The following FAM135B variants were observed in gnomAD, a reference collection of about 807,000 sequenced individuals.
FAM135B encodes the protein family with sequence similarity 135 member B, also known as protein FAM135B.
FAM135B carries 43 observed loss-of-function variants against 127.7 expected under a neutral mutation model. That is an observed-to-expected ratio of 0.34 (90% confidence interval 0.26 to 0.43). The LOEUF is 0.43. FAM135B is among the 20% of genes least tolerant of loss of function. The probability of loss-of-function intolerance (pLI) is 1.00; values close to 1 mark genes in which losing one functional copy is unlikely to be tolerated. For synonymous variants in FAM135B, 670 were observed against 665.1 expected (o/e 1.01, Z -0.11); for missense variants, 1,558 against 1,725.6 (o/e 0.90, Z 1.72).
intron 12 of FAM135B, among the ~76,000 whole-genome samples, chr8:138,160,993 A>G (rs1819335021): frequency 6.6e-6 from 1 of 152,204 alleles, no homozygotes. Context: ...TTGGACAACT[A>G]TGGAACTTAG....
chr8:138,169,773 G>A (rs1006602771), intron 11 of FAM135B, among the ~76,000 whole-genome samples: 3 of 152,088 alleles, frequency 2.0e-5, no homozygotes, highest in African/African-American at 2.4e-5. Context: ...ATTTTAGGTC[G>A]AACAAGCCAA....
At chr8:138,142,201 G>A (rs1024941867) in intron 16 of FAM135B, among the ~76,000 whole-genome samples, 7 of 150,580 alleles carry the variant, frequency 4.6e-5, no homozygotes, top group Admixed American at 1.3e-4. Context: ...TAGCACTGTC[G>A]TCACTGAAAC....
At chr8:138,137,377 C>A (rs1816755574) in intron 18 of FAM135B, 117 bp from the exon 19 acceptor site, 1 of 687,076 alleles carries the variant, frequency 1.5e-6, no homozygotes, top group African/African-American at 1.8e-5. Context: ...GTTGACACAC[C>A]ACACACTAGT....
intron 13 of FAM135B, among the ~76,000 whole-genome samples, chr8:138,149,162 AAATTTT>A (rs1817912757): frequency 8.8e-6 from 1 of 114,020 alleles, no homozygotes. Context: ...TAAATAAATA[AAATTTT>A]AAAAAGAGAA....
intron 11 of FAM135B, among the ~76,000 whole-genome samples, chr8:138,174,840 C>A (rs1016749908): frequency 1.3e-5 from 2 of 150,344 alleles, no homozygotes; most frequent in Non-Finnish European, 2.9e-5. Flanking sequence ...TTCCCCATAG[C>A]ACTCCTTACC....
intron 1 of FAM135B, among the ~76,000 whole-genome samples, chr8:138,382,138 C>T (rs563537516): frequency 2.0e-5 from 3 of 152,296 alleles, no homozygotes; most frequent in African/African-American, 4.8e-5. Context: ...TGACCACCCA[C>T]AAGATGTGCA....
chr8:138,493,307 G>C (rs1341844065), intron 1 of FAM135B, among the ~76,000 whole-genome samples: 1 of 151,938 alleles, frequency 6.6e-6, no homozygotes, highest in Non-Finnish European at 1.5e-5. Flanking sequence ...CTCCCTCCTG[G>C]TGTCTCCCAT....
At position 138,175,268 on chromosome 8, in the gene FAM135B, C is replaced by T. The variant is rs115757214; in HGVS notation, c.1103+2079G>A. Among the ~76,000 whole-genome samples, 507 of 149,938 alleles carry T rather than the reference C, an allele frequency of 3.4e-3. 2 individuals carry two copies. The highest frequency in any genetic ancestry group is 0.011 in the African/African-American group (447 of 41,118). On this transcript the variant is annotated intron_variant, in intron 11 of 19. Coordinates refer to ENST00000395297, the MANE Select transcript of FAM135B (RefSeq NM_015912.4). ...CTGGTCCCTACTGCCCTCTGGCCCTCCCTCCCTCCCCTCTCCTACTTTCTC... is the reference window on the plus strand; with the variant it reads ...CTGGTCCCTACTGCCCTCTGGCCCTTCCTCCCTCCCCTCTCCTACTTTCTC...
chr8:138,238,466 G>C (rs182738480), intron 7 of FAM135B, among the ~76,000 whole-genome samples: 2 of 152,242 alleles, frequency 1.3e-5, no homozygotes, highest in East Asian at 3.9e-4. Context: ...GGAATGTCTA[G>C]ATGTCAAAGG....
intron 1 of FAM135B, among the ~76,000 whole-genome samples, chr8:138,479,384 G>A (rs1814676140): frequency 6.6e-6 from 1 of 152,174 alleles, no homozygotes; most frequent in Admixed American, 6.5e-5. Flanking sequence ...TCACATGGTT[G>A]ATCCCCCTGG....
intron 3 of FAM135B, among the ~76,000 whole-genome samples, chr8:138,278,553 A>ATTTTTTTT (rs557719866): frequency 3.3e-5 from 2 of 60,472 alleles, no homozygotes; most frequent in African/African-American, 1.3e-4. Context: ...TAAGAACATG[A>ATTTTTTTT]TTTTTTTTTT....
chr8:138,333,005 A>T (rs1219211633), intron 2 of FAM135B, among the ~76,000 whole-genome samples: 1 of 151,160 alleles, frequency 6.6e-6, no homozygotes, highest in Non-Finnish European at 1.5e-5. Flanking sequence ...ACACACACAC[A>T]CACGCTTGTA....
In FAM135B at chr8:138,442,236, CCATATATATA is replaced by C. The variant is rs1207674812; in HGVS notation, c.-20+54425_-20+54434del. On this transcript the variant is annotated intron_variant, in intron 1 of 19. Transcript: ENST00000395297. ...AAATTTAACGTGAAGAATATGGACA[CCATATATATA>C]TATATATATATATATATATATATAT... Among the ~76,000 whole-genome samples, 40 of 13,136 alleles carry C rather than the reference CCATATATATA, an allele frequency of 3.0e-3. 4 individuals carry two copies. Among genetic ancestry groups the C allele is most frequent in the Middle Eastern group, 0.038 (1 of 26 alleles). 8.6% of individuals were successfully genotyped at this position (13,136 alleles called of 152,430 possible). A position where few individuals can be genotyped will look rare whatever the true frequency, so the allele number is the denominator to read the frequency against.
In FAM135B at chr8:138,218,801, AGAGG is replaced by A. The variant is rs1170396638; in HGVS notation, c.670-21136_670-21133del. ...GAGAGAGAGAGAGAGAGAGAGAGAG[AGAGG>A]GAGAGAAAGAGAGAGAGAGAGATTT... On this transcript the variant is annotated intron_variant, in intron 7 of 19. Transcript: ENST00000395297. Among the ~76,000 whole-genome samples, 39 of 21,082 alleles carry A rather than the reference AGAGG, an allele frequency of 1.8e-3. No individual in the cohort carries two copies. The East Asian group carries it at 0.022, about 12-fold the overall frequency. 13.8% of individuals were successfully genotyped at this position (21,082 alleles called of 152,430 possible).
At chr8:138,149,675 T>C (rs1271531113) in intron 13 of FAM135B, among the ~76,000 whole-genome samples, 1 of 152,104 alleles carries the variant, frequency 6.6e-6, no homozygotes, top group Non-Finnish European at 1.5e-5. Flanking sequence ...ATCATCACCA[T>C]CATTGTCTCA....
In FAM135B at chr8:138,256,674, T is replaced by G; in HGVS notation, c.368+15A>C. 1 of 1,611,268 alleles carries G rather than the reference T, an allele frequency of 6.2e-7. No individual in the cohort carries two copies. The highest frequency in any genetic ancestry group is 8.5e-7 in the Non-Finnish European group (1 of 1,177,636). ...CACTGTGCTACTACAATTCAATAAT[T>G]TCCATGACACTCACTGCTGTTCACT... On this transcript the variant is annotated intron_variant, in intron 5 of 19. Transcript: ENST00000395297.
chr8:138,220,657 T>C (rs1032557078), intron 7 of FAM135B, among the ~76,000 whole-genome samples: 1 of 151,980 alleles, frequency 6.6e-6, no homozygotes, highest in Admixed American at 6.5e-5. Flanking sequence ...GGGATGGTAA[T>C]GATGCTAGTG....
chr8:138,447,961 C>A (rs1836284837), intron 1 of FAM135B, among the ~76,000 whole-genome samples: 1 of 151,722 alleles, frequency 6.6e-6, no homozygotes, highest in African/African-American at 2.4e-5. Flanking sequence ...CCAAACCACC[C>A]TTTTCTCACA....
intron 2 of FAM135B, among the ~76,000 whole-genome samples, chr8:138,341,314 G>C (rs1829031831): frequency 6.6e-6 from 1 of 152,200 alleles, no homozygotes; most frequent in Non-Finnish European, 1.5e-5. Flanking sequence ...GTCACAAAAG[G>C]ATAAACAAAT....
Sources: gnomAD v4.1 joint callset for allele counts (sites outside exome capture counted in the v4.1 genomes callset) on GRCh38, gnomAD v4.1.1 for gene constraint, MANE v1.5 for transcripts, NCBI Gene and HGNC (gene_info 2026-07-23, HGNC 2026-07-21) for gene names.